Variants in TANC1 observed in about 807,000 individuals in gnomAD.
The protein encoded by TANC1 is tetratricopeptide repeat, ankyrin repeat and coiled-coil containing 1, also known as protein TANC1.
TANC1 carries 77 observed loss-of-function variants against 149.7 expected under a neutral mutation model. That is an observed-to-expected ratio of 0.51 (90% CI 0.43 to 0.62). The LOEUF is 0.62. Among genes scored for constraint, TANC1 ranks in the 20% least tolerant of loss-of-function variants. TANC1 has a pLI of 0.00. For missense variants in TANC1, 1,985 were observed against 2,321.8 expected, an observed-to-expected ratio of 0.85 and a Z score of 2.98; for synonymous variants, 854 against 925.0, an observed-to-expected ratio of 0.92 and a Z score of 1.39.
intron 3 of TANC1, among the ~76,000 whole-genome samples, chr2:159,080,450 C>T (rs529293527): frequency 6.6e-5 from 10 of 152,284 alleles, no homozygotes; most frequent in Non-Finnish European, 8.8e-5. Flanking sequence ...CTGCCCCGTA[C>T]GATCAGAAGG....
rs562585969 is a variant in TANC1 at position 159,096,040 on chromosome 2, C to T, written c.62-1597C>T. Among the ~76,000 whole-genome samples the T allele has an allele frequency of 1.8e-4, 27 of 152,088 alleles. No individual in the cohort carries two copies. The Middle Eastern group carries it at 0.01, about 57-fold the overall frequency. ...TGGTTTGTTTTTGGAGCCAGGAAGG[C>T]GTGGCAAGGACTGGTTGGATAGCTT... On this transcript the variant is annotated intron_variant, in intron 3 of 26. Transcript: ENST00000263635.
At position 159,112,225 on chromosome 2, in the gene TANC1, G is replaced by T. The variant is rs76688607; in HGVS notation, c.259+14391G>T. Among the ~76,000 whole-genome samples the T allele has an allele frequency of 7.0e-3, 1,070 of 152,062 alleles. 8 individuals carry two copies. Among genetic ancestry groups the T allele is most frequent in the African/African-American group, 0.024 (1,006 of 41,474 alleles). The stretch of plus-strand genomic sequence containing the variant: ...AAAATATTCTCAGTAAGTTTTTTGG[G>T]TTTTTTTGTTGGTTTGTTTTTTGTT... On this transcript the variant is annotated intron_variant, in intron 4 of 26. Coordinates refer to ENST00000263635, the MANE Select transcript of TANC1 (RefSeq NM_033394.3).
intron 7 of TANC1, among the ~76,000 whole-genome samples, chr2:159,159,039 T>C (rs2053725956): frequency 6.6e-6 from 1 of 152,232 alleles, no homozygotes; most frequent in Admixed American, 6.5e-5. Flanking sequence ...TTAGCTTTCT[T>C]CTTGATGTTC....
At chr2:159,207,723 A>AAAC (rs1575263220) in intron 19 of TANC1, among the ~76,000 whole-genome samples, 1 of 133,028 alleles carries the variant, frequency 7.5e-6, no homozygotes, top group South Asian at 2.2e-4. Flanking sequence ...AAAAAAAAAA[A>AAAC]AAAACAACTC....
At chr2:158,993,323 G>A (rs1345318448) in intron 1 of TANC1, among the ~76,000 whole-genome samples, 3 of 152,134 alleles carry the variant, frequency 2.0e-5, no homozygotes, top group Admixed American at 6.5e-5. Context: ...GCAATGGCAC[G>A]ATCAGCTTAC....
intron 4 of TANC1, among the ~76,000 whole-genome samples, chr2:159,134,390 T>C (rs1285394321): frequency 6.6e-6 from 1 of 151,854 alleles, no homozygotes; most frequent in African/African-American, 2.4e-5. Flanking sequence ...CTGCAACCTT[T>C]ACCTCCTGGG....
rs1457762905 is a variant in TANC1, at chr2:159,136,047, T to TGTGTGTGCGC, written c.260-144_260-143insTGTGCGCGTG. 8.9e-4 allele frequency: 189 copies of TGTGTGTGCGC among 211,262 alleles called. 19 individuals are homozygous for TGTGTGTGCGC. The highest frequency in any genetic ancestry group is 3.6e-3 in the Middle Eastern group (3 of 834). The allele number at this position is 211,262 out of a possible 1,614,324, so 13.1% of individuals were successfully genotyped here. A position where few individuals can be genotyped will look rare whatever the true frequency, so the allele number is the denominator to read the frequency against. On this transcript the variant is annotated intron_variant, in intron 4 of 26. Coordinates refer to ENST00000263635, the MANE Select transcript of TANC1 (RefSeq NM_033394.3). Reference sequence around the variant, plus strand: ...GTGTGTGTGTGTGTGTGTGTGTGTGTGTGCGCGCGCGCGCGTTTAAGGGAG... The same window carrying TGTGTGTGCGC: ...GTGTGTGTGTGTGTGTGTGTGTGTGTGTGTGTGCGCGTGCGCGCGCGCGCGTTTAAGGGAG...
intron 2 of TANC1, among the ~76,000 whole-genome samples, chr2:159,009,553 T>C (rs2037555189): frequency 2.0e-5 from 3 of 152,130 alleles, no homozygotes; most frequent in South Asian, 4.2e-4. Flanking sequence ...GTTGATCTCA[T>C]GGAAGTAGAG....
chr2:158,984,797 G>A (rs138524313), intron 1 of TANC1, among the ~76,000 whole-genome samples: 29 of 152,214 alleles, frequency 1.9e-4, no homozygotes, highest in African/African-American at 6.3e-4. Context: ...GAAAAGGAGC[G>A]TAAGAAGCAG....
chr2:159,050,157 A>C (rs2041362399), intron 2 of TANC1, among the ~76,000 whole-genome samples: 1 of 152,216 alleles, frequency 6.6e-6, no homozygotes, highest in Admixed American at 6.5e-5. Context: ...ATCTAGGCTC[A>C]AGTGCAATGG....
At chr2:159,117,702 T>C (rs201063027) in intron 4 of TANC1, among the ~76,000 whole-genome samples, 7 of 2,992 alleles carry the variant, frequency 2.3e-3, no homozygotes, top group East Asian at 0.011. Flanking sequence ...GGCCTATTCC[T>C]TTTTTTTTTT....
chr2:159,098,643 G>A (rs781381808), intron 4 of TANC1, among the ~76,000 whole-genome samples: 1 of 152,078 alleles, frequency 6.6e-6, no homozygotes, highest in African/African-American at 2.4e-5. Flanking sequence ...ACTTGTAAAG[G>A]GGGGTGGGGG....
intron 4 of TANC1, among the ~76,000 whole-genome samples, chr2:159,120,514 A>G (rs1318268681): frequency 6.6e-6 from 1 of 152,248 alleles, no homozygotes; most frequent in Non-Finnish European, 1.5e-5. Context: ...ATTGCTATTC[A>G]GTGCATTATG....
intron 17 of TANC1, among the ~76,000 whole-genome samples, chr2:159,195,865 A>C (rs1185301386): frequency 6.6e-6 from 1 of 152,232 alleles, no homozygotes; most frequent in African/African-American, 2.4e-5. Context: ...ATGAGGGTAC[A>C]GGGCGTCCCC....
chr2:159,207,870 G>A lies in TANC1; in HGVS notation c.3244+8817G>A, dbSNP rs117602210. ...AGTTGATTGTGTTCACTGAATTTATGAATATGGAGGACCAAGAGCATCGTG... is the reference window on the plus strand; with the variant it reads ...AGTTGATTGTGTTCACTGAATTTATAAATATGGAGGACCAAGAGCATCGTG... On this transcript the variant is annotated intron_variant, in intron 19 of 26. Transcript: ENST00000263635. Among the ~76,000 whole-genome samples, 453 of 152,224 alleles carry A rather than the reference G, an allele frequency of 3.0e-3. 13 individuals carry two copies. In the East Asian group the frequency reaches 0.074, roughly 25 times the overall value.
At chr2:158,984,132 G>T (rs1299198570) in intron 1 of TANC1, among the ~76,000 whole-genome samples, 1 of 152,164 alleles carries the variant, frequency 6.6e-6, no homozygotes, top group Non-Finnish European at 1.5e-5. Flanking sequence ...AAGTCAAGTG[G>T]TACTTGAGCT....
chr2:159,185,825 C>T lies in TANC1; in HGVS notation c.2545C>T (p.Arg849Cys). The T allele has an allele frequency of 1.9e-6, 3 of 1,614,092 alleles. No individual in the cohort carries two copies. Among genetic ancestry groups the T allele is most frequent in the African/African-American group, 1.3e-5 (1 of 75,026 alleles). Residue 849 changes from arginine to cysteine, a missense_variant, in exon 15 of 27, where the codon CGT (arginine) becomes TGT (cysteine). Arg to Cys is a radical substitution (Grantham distance 180). Coordinates refer to ENST00000263635, the MANE Select transcript of TANC1 (RefSeq NM_033394.3). ...CGCGCTCTTGGCATTCATGTTCTCG[C>T]GTCAGGAGGGCAAGTTGAACCGCCA... is the stretch of plus-strand genomic sequence containing the variant. ...GHALLAFMFS[R>C]QEGKLNRQQT...
chr2:159,160,270 T>A lies in TANC1; in HGVS notation c.683-3013T>A, dbSNP rs10200002. On this transcript the variant is annotated intron_variant, in intron 7 of 26. Transcript: ENST00000263635. Reference sequence around the variant, plus strand: ...CCAAAGAACAAAATGCTAGAATTTTTAAATTATTAAGGCAACTATAAACAT... The same window carrying A: ...CCAAAGAACAAAATGCTAGAATTTTAAAATTATTAAGGCAACTATAAACAT... 4.5e-3 allele frequency among the ~76,000 whole-genome samples: 689 copies of A among 152,256 alleles called. 2 individuals are homozygous for A. The highest frequency in any genetic ancestry group is 0.016 in the African/African-American group (669 of 41,534).
intron 4 of TANC1, among the ~76,000 whole-genome samples, chr2:159,098,763 G>A (rs547737871): frequency 6.6e-6 from 1 of 151,962 alleles, no homozygotes; most frequent in Admixed American, 6.5e-5. Flanking sequence ...AACTTTGAGA[G>A]GTTATGATTC....
Sources: gnomAD v4.1 joint callset for allele counts (sites outside exome capture counted in the v4.1 genomes callset) on GRCh38, gnomAD v4.1.1 for gene constraint, MANE v1.5 for transcripts, NCBI Gene and HGNC (gene_info 2026-07-23, HGNC 2026-07-21) for gene names.